The following RNF150 variants were observed in gnomAD, a reference collection of about 807,000 sequenced individuals.
RNF150 encodes the protein ring finger protein 150.
A neutral mutation model predicts 39.3 loss-of-function variants in RNF150; 24 were observed. The ratio of observed to expected loss-of-function variants is 0.61; its 90% CI spans 0.44 to 0.86. RNF150 has a LOEUF of 0.86. Ranked by LOEUF, RNF150 falls within the 40% of genes least tolerant of loss-of-function variation. RNF150 has a pLI of 0.00. For missense variants in RNF150, 502 were observed against 587.8 expected, an observed-to-expected ratio of 0.85 and a Z score of 1.51; for synonymous variants, 255 against 227.3, an observed-to-expected ratio of 1.12 and a Z score of -1.10.
intron 1 of RNF150, among the ~76,000 whole-genome samples, chr4:141,102,026 C>T (rs887322661): frequency 6.6e-6 from 1 of 152,116 alleles, no homozygotes; most frequent in African/African-American, 2.4e-5. Flanking sequence ...AAGTGATCTA[C>T]CTGCCTTGAC....
chr4:141,146,100 A>G (rs1240874057), intron 1 of RNF150, among the ~76,000 whole-genome samples: 1 of 152,218 alleles, frequency 6.6e-6, no homozygotes, highest in Non-Finnish European at 1.5e-5. Flanking sequence ...GGAAGAGAAA[A>G]TGTGATCTAA....
At chr4:141,109,433 G>GCAATGATAAGTATATA (rs1739315867) in intron 1 of RNF150, among the ~76,000 whole-genome samples, 1 of 151,660 alleles carries the variant, frequency 6.6e-6, no homozygotes, top group Non-Finnish European at 1.5e-5. Flanking sequence ...AGTATAATGG[G>GCAATGATAAGTATATA]CAATGATAAG....
At chr4:140,974,993 C>T (rs562467597) in intron 1 of RNF150, among the ~76,000 whole-genome samples, 4 of 152,216 alleles carry the variant, frequency 2.6e-5, no homozygotes, top group Admixed American at 2.6e-4. Flanking sequence ...TGGGGTCTCA[C>T]ACCTGTAATC....
chr4:141,064,730 G>C (rs1737385526), intron 1 of RNF150, among the ~76,000 whole-genome samples: 1 of 152,200 alleles, frequency 6.6e-6, no homozygotes, highest in Non-Finnish European at 1.5e-5. Context: ...GGGCAGAAAA[G>C]GGAGGGGAGT....
At chr4:140,894,812 C>T (rs1019339721) in intron 6 of RNF150, among the ~76,000 whole-genome samples, 3 of 152,204 alleles carry the variant, frequency 2.0e-5, no homozygotes, top group Non-Finnish European at 4.4e-5. Flanking sequence ...CTGCCTGAGA[C>T]TATGTCGGCA....
intron 4 of RNF150, among the ~76,000 whole-genome samples, chr4:140,937,211 A>G (rs1413598015): frequency 1.3e-5 from 2 of 152,220 alleles, no homozygotes; most frequent in Non-Finnish European, 2.9e-5. Context: ...GTAGTTAAAT[A>G]AACTCTAAAA....
chr4:141,012,870 G>A (rs1735127272), intron 1 of RNF150, among the ~76,000 whole-genome samples: 1 of 151,066 alleles, frequency 6.6e-6, no homozygotes, highest in African/African-American at 2.4e-5. Context: ...CCTGGAGAGA[G>A]CAGGTGTAAG....
chr4:141,044,508 T>C (rs1466972738), intron 1 of RNF150, among the ~76,000 whole-genome samples: 4 of 152,222 alleles, frequency 2.6e-5, no homozygotes, highest in African/African-American at 4.8e-5. Context: ...TAATATCCAC[T>C]TTAATTCTCT....
At chr4:140,884,800 T>C (rs1175683754) in intron 6 of RNF150, among the ~76,000 whole-genome samples, 1 of 152,116 alleles carries the variant, frequency 6.6e-6, no homozygotes, top group African/African-American at 2.4e-5. Context: ...ATATTAGACA[T>C]CCCACTTTAC....
intron 5 of RNF150, 104 bp from the exon 6 acceptor site, chr4:140,911,458 A>ATTGT (rs1730603437): frequency 3.3e-6 from 3 of 902,216 alleles, no homozygotes; most frequent in Admixed American, 3.0e-5. Flanking sequence ...TAAGTTCTTT[A>ATTGT]TTGTTTACTT....
intron 1 of RNF150, among the ~76,000 whole-genome samples, chr4:141,160,364 G>A (rs1314614349): frequency 6.6e-6 from 1 of 152,158 alleles, no homozygotes; most frequent in Non-Finnish European, 1.5e-5. Flanking sequence ...CTGGTTGGCA[G>A]GCTGATAAAT....
chr4:141,108,675 G>A (rs1466866767), intron 1 of RNF150, among the ~76,000 whole-genome samples: 2 of 152,064 alleles, frequency 1.3e-5, no homozygotes, highest in African/African-American at 4.8e-5. Context: ...GGTGATTTAG[G>A]TTCAATGAAA....
intron 1 of RNF150, among the ~76,000 whole-genome samples, chr4:140,991,881 T>C (rs945566691): frequency 6.6e-6 from 1 of 152,224 alleles, no homozygotes; most frequent in Non-Finnish European, 1.5e-5. Flanking sequence ...ATCATGTTAA[T>C]ACTCTTACCT....
At chr4:141,167,410 A>G (rs1432459323) in intron 1 of RNF150, among the ~76,000 whole-genome samples, 2 of 152,128 alleles carry the variant, frequency 1.3e-5, no homozygotes, top group African/African-American at 2.4e-5. Context: ...CTATCAAGCT[A>G]CCATTGACTT....
intron 5 of RNF150, among the ~76,000 whole-genome samples, chr4:140,919,471 A>C (rs1578965205): frequency 6.8e-6 from 1 of 147,860 alleles, no homozygotes; most frequent in South Asian, 2.3e-4. Flanking sequence ...TAGGAATCCA[A>C]CTTACAAGGG....
chr4:141,132,599 C>A lies in RNF150; in HGVS notation c.210G>T (p.Glu70Asp), dbSNP rs773274753. ...AGGGGAELHT[E>D]KTECGRYGEH... ...CTCCGTAGCGCCCGCACTCCGTCTT[C>A]TCCGTGTGCAGCTCCGCGCCGCCGC... Residue 70 changes from glutamate (E) to aspartate (D), a missense_variant, in exon 1 of 7, where the codon GAG (glutamate) becomes GAT (aspartate). Coordinates refer to ENST00000515673, the MANE Select transcript of RNF150 (RefSeq NM_020724.2). This position sits in a 1 kb window ranked among gnomAD's most constrained non-coding sequence, Gnocchi z 4.9. 3.8e-5 allele frequency: 59 copies of A among 1,563,406 alleles called. No individual in the cohort carries two copies. Among genetic ancestry groups the A allele is most frequent in the Admixed American group, 9.5e-5 (5 of 52,880 alleles).
chr4:140,976,352 C>T (rs1733664527), intron 1 of RNF150, among the ~76,000 whole-genome samples: 1 of 152,004 alleles, frequency 6.6e-6, no homozygotes, highest in Admixed American at 6.6e-5. Flanking sequence ...CCTGTTATCT[C>T]CTCTTTCCCT....
intron 1 of RNF150, among the ~76,000 whole-genome samples, chr4:141,004,048 T>A (rs976202980): frequency 3.3e-5 from 5 of 152,146 alleles, no homozygotes; most frequent in African/African-American, 1.2e-4. Flanking sequence ...AAATTATACC[T>A]GCTACAGTGG....
chr4:140,929,455 C>T (rs1379496622), intron 4 of RNF150, among the ~76,000 whole-genome samples: 1 of 146,718 alleles, frequency 6.8e-6, no homozygotes, highest in African/African-American at 2.5e-5. Flanking sequence ...CAAGCTCTGC[C>T]TCCTGGGTTC....
Sources: allele counts gnomAD v4.1 joint callset (sites outside exome capture counted in the v4.1 genomes callset), GRCh38; gene constraint gnomAD v4.1.1; non-coding constraint Gnocchi (gnomAD v3.1); transcripts MANE v1.5; gene names NCBI Gene and HGNC (gene_info 2026-07-23, HGNC 2026-07-21).